FGF12: variants seen among roughly 807,000 people sequenced by gnomAD.
FGF12 encodes the protein fibroblast growth factor 12, also known as fibroblast growth factor 12B.
A neutral mutation model predicts 23.6 loss-of-function variants in FGF12; 14 were observed. The ratio of observed to expected loss-of-function variants is 0.59; its 90% CI spans 0.39 to 0.93. The LOEUF is 0.93. Among genes scored for constraint, FGF12 ranks in the 40% least tolerant of loss-of-function variants. FGF12 has a pLI of 0.00. For missense variants in FGF12, 175 were observed against 217.8 expected, an observed-to-expected ratio of 0.80 and a Z score of 1.24; for synonymous variants, 62 against 77.3, an observed-to-expected ratio of 0.80 and a Z score of 1.04.
intron 2 of FGF12, among the ~76,000 whole-genome samples, chr3:192,529,644 A>G (rs1313402494): frequency 6.6e-6 from 1 of 152,146 alleles, no homozygotes; most frequent in Non-Finnish European, 1.5e-5. Flanking sequence ...TTTACAAAAG[A>G]AAGAGGTTTA....
chr3:192,189,200 G>T (rs1716650013), intron 4 of FGF12, among the ~76,000 whole-genome samples: 1 of 152,092 alleles, frequency 6.6e-6, no homozygotes, highest in Non-Finnish European at 1.5e-5. Flanking sequence ...GATTTCCTTT[G>T]ATTTATTTAT....
In FGF12 at chr3:192,363,016, A is replaced by T. The variant is rs973294688; in HGVS notation, c.14-2478T>A. On this transcript the variant is annotated intron_variant, in intron 2 of 5. Coordinates refer to ENST00000445105, the MANE Select transcript of FGF12 (RefSeq NM_004113.6). ...CTTTAAGAAGTCACCACATGTTCTC[A>T]CTCATAAGTGGGAATTGAACAATGA... Among the ~76,000 whole-genome samples the T allele has an allele frequency of 2.0e-5, 3 of 151,464 alleles. No individual in the cohort carries two copies. The East Asian group carries it at 5.8e-4, about 29-fold the overall frequency.
Position 192,556,765 on chromosome 3 carries a change from G to A in FGF12, c.13+170416C>T, listed in dbSNP as rs545782637. ...TCCAGGATAGATCACGTGTTGGGTC[G>A]CAAAAGGAGTTTTAACAAATTTAAG... On this transcript the variant is annotated intron_variant, in intron 2 of 5. Coordinates refer to ENST00000445105, the MANE Select transcript of FGF12 (RefSeq NM_004113.6). Among the ~76,000 whole-genome samples, 15 of 152,208 alleles carry A rather than the reference G, an allele frequency of 9.9e-5. No homozygotes were observed. The South Asian group carries it at 2.1e-3, about 21-fold the overall frequency.
chr3:192,413,148 C>T (rs1721248101), intron 2 of FGF12, among the ~76,000 whole-genome samples: 1 of 152,118 alleles, frequency 6.6e-6, no homozygotes, highest in Admixed American at 6.5e-5. Context: ...AAAACAGAGG[C>T]TTTTTGGTCT....
At chr3:192,619,455 T>G (rs546115970) in intron 2 of FGF12, among the ~76,000 whole-genome samples, 1 of 152,288 alleles carries the variant, frequency 6.6e-6, no homozygotes, top group South Asian at 2.1e-4. Context: ...TTGACTGGCG[T>G]TCCCATCAGT....
At chr3:192,147,700 CAG>C (rs1560166732) in intron 5 of FGF12, among the ~76,000 whole-genome samples, 2 of 152,042 alleles carry the variant, frequency 1.3e-5, no homozygotes, top group Non-Finnish European at 2.9e-5. Context: ...TCCATAAAGT[CAG>C]AGAGTGAGTA....
At chr3:192,346,267 A>G (rs1216332310) in intron 3 of FGF12, among the ~76,000 whole-genome samples, 3 of 152,168 alleles carry the variant, frequency 2.0e-5, no homozygotes, top group Admixed American at 2.0e-4. Context: ...ATATGGCCCC[A>G]TGATACTTCC....
chr3:192,144,742 A>C (rs1281485889), intron 5 of FGF12, among the ~76,000 whole-genome samples: 3 of 152,244 alleles, frequency 2.0e-5, no homozygotes, highest in Non-Finnish European at 4.4e-5. Flanking sequence ...ACTTCAGTTC[A>C]TATCTATATA....
At chr3:192,317,608 G>A (rs1716297935) in intron 4 of FGF12, among the ~76,000 whole-genome samples, 1 of 152,170 alleles carries the variant, frequency 6.6e-6, no homozygotes, top group Non-Finnish European at 1.5e-5. Context: ...CTCAACTCCA[G>A]GCCCTGGCTC....
intron 2 of FGF12, among the ~76,000 whole-genome samples, chr3:192,382,195 C>G (rs913721094): frequency 6.6e-5 from 10 of 151,922 alleles, no homozygotes; most frequent in Non-Finnish European, 1.0e-4. Context: ...AAGTGGTTTC[C>G]CCGTGTTAGC....
At chr3:192,448,074 C>CAT (rs1399309060) in intron 2 of FGF12, among the ~76,000 whole-genome samples, 3 of 150,710 alleles carry the variant, frequency 2.0e-5, no homozygotes, top group Non-Finnish European at 2.9e-5. Flanking sequence ...AAAGTATTTT[C>CAT]ATATATATAT....
intron 2 of FGF12, among the ~76,000 whole-genome samples, chr3:192,578,288 G>A (rs1345013173): frequency 6.6e-6 from 1 of 152,076 alleles, no homozygotes; most frequent in Non-Finnish European, 1.5e-5. Context: ...CTTCCCTGTC[G>A]ATAGGTACTA....
At chr3:192,261,261 T>C (rs941473901) in intron 4 of FGF12, among the ~76,000 whole-genome samples, 1 of 152,182 alleles carries the variant, frequency 6.6e-6, no homozygotes, top group African/African-American at 2.4e-5. Flanking sequence ...ACTTCAAACG[T>C]TGGCCATGGC....
rs1242795201 is a variant in FGF12 at position 192,727,171 on chromosome 3, A to C, written c.13+10T>G. On this transcript the variant is annotated intron_variant, in intron 2 of 5. Transcript: ENST00000445105. ...CAGCGGGAAGTCCCCCGATAGGGACAACCACATACCTTTGCTCTCCATTTC... is the reference window on the plus strand; with the variant it reads ...CAGCGGGAAGTCCCCCGATAGGGACCACCACATACCTTTGCTCTCCATTTC... 1 of 1,577,806 alleles carries C rather than the reference A, an allele frequency of 6.3e-7. No homozygotes were observed. The highest frequency in any genetic ancestry group is 2.3e-5 in the East Asian group (1 of 42,948).
At chr3:192,191,442 T>G (rs1385697457) in intron 4 of FGF12, among the ~76,000 whole-genome samples, 1 of 152,216 alleles carries the variant, frequency 6.6e-6, no homozygotes, top group African/African-American at 2.4e-5. Flanking sequence ...ATGCAGAAGA[T>G]GCTGATAATG....
chr3:192,440,936 A>T (rs571966903), intron 2 of FGF12, among the ~76,000 whole-genome samples: 2 of 152,260 alleles, frequency 1.3e-5, no homozygotes, highest in African/African-American at 4.8e-5. Flanking sequence ...TGCAAGCTCA[A>T]TGACAGCAGG....
intron 2 of FGF12, among the ~76,000 whole-genome samples, chr3:192,704,077 C>G (rs1384510023): frequency 2.0e-5 from 3 of 152,206 alleles, no homozygotes; most frequent in Non-Finnish European, 4.4e-5. Context: ...TTGGCCTACT[C>G]TTACGAATCA....
chr3:192,376,641 C>G (rs538476883), intron 2 of FGF12, among the ~76,000 whole-genome samples: 1 of 152,174 alleles, frequency 6.6e-6, no homozygotes, highest in Non-Finnish European at 1.5e-5. Flanking sequence ...GGATTACAGG[C>G]GTGAGCCACC....
At position 192,360,355 on chromosome 3, in the gene FGF12, T is replaced by C. The variant is rs1319802990; in HGVS notation, c.124+73A>G. 1 of 1,033,636 alleles carries C rather than the reference T, an allele frequency of 9.7e-7. No individual in the cohort carries two copies. The highest frequency in any genetic ancestry group is 1.5e-6 in the Non-Finnish European group (1 of 660,244). 64.0% of individuals were successfully genotyped at this position (1,033,636 alleles called of 1,614,324 possible). A position where few individuals can be genotyped will look rare whatever the true frequency, so the allele number is the denominator to read the frequency against. On this transcript the variant is annotated intron_variant, in intron 3 of 5. Transcript: ENST00000445105. The surrounding 1 kb of genome is among the most constrained non-coding windows in gnomAD (Gnocchi z 4.3). ...ATAGTTTGGTAAGGCAGCTTAGCAA[T>C]GCTTTAAGTATAAGATACACTGGGC...
Sources: allele counts gnomAD v4.1 joint callset (sites outside exome capture counted in the v4.1 genomes callset), GRCh38; gene constraint gnomAD v4.1.1; non-coding constraint Gnocchi (gnomAD v3.1); transcripts MANE v1.5; gene names NCBI Gene and HGNC (gene_info 2026-07-23, HGNC 2026-07-21).